CSTPP1: variants seen among roughly 807,000 people sequenced by gnomAD.
CSTPP1 encodes centriolar satellite-associated tubulin polyglutamylase complex regulator 1.
chr11:47,061,982 T>TCA, the CSTPP1 span, among the ~76,000 whole-genome samples: 1 of 152,154 alleles, frequency 6.6e-6, no homozygotes, highest in African/African-American at 2.4e-5. Flanking sequence ...AATGCTTTTG[T>TCA]CACTATCTTC....
chr11:47,080,110 CAAAA>C, the CSTPP1 span, among the ~76,000 whole-genome samples: 1 of 148,814 alleles, frequency 6.7e-6, no homozygotes. Flanking sequence ...AACAAACAAA[CAAAA>C]AAAAGGAAGA....
At chr11:47,038,522 G>A in the CSTPP1 span, among the ~76,000 whole-genome samples, 2 of 103,304 alleles carry the variant, frequency 1.9e-5, no homozygotes, top group Non-Finnish European at 4.8e-5. Context: ...CTTCCCAGTA[G>A]GGGCGGCCGG....
the CSTPP1 span, chr11:47,040,960 C>G: frequency 7.0e-6 from 1 of 143,024 alleles, no homozygotes; most frequent in Non-Finnish European, 1.6e-5. Context: ...AAACTCTGCC[C>G]TGGAGGGTGG....
chr11:47,067,818 A>G, the CSTPP1 span, among the ~76,000 whole-genome samples: 1 of 152,234 alleles, frequency 6.6e-6, no homozygotes, highest in African/African-American at 2.4e-5. Context: ...TTTAACTCAC[A>G]GTTTCAGCAC....
the CSTPP1 span, among the ~76,000 whole-genome samples, chr11:47,017,667 C>CT: frequency 3.1e-3 from 413 of 133,460 alleles, 1 homozygote; most frequent in African/African-American, 8.3e-3. Flanking sequence ...AATATATAAA[C>CT]TTTTTTTTTT....
At chr11:46,979,401 T>C in the CSTPP1 span, among the ~76,000 whole-genome samples, 11 of 152,240 alleles carry the variant, frequency 7.2e-5, no homozygotes, top group African/African-American at 2.7e-4. Context: ...AAAATAGTTA[T>C]GTGAATGTTT....
chr11:46,969,254 C>T, the CSTPP1 span, among the ~76,000 whole-genome samples: 1 of 152,188 alleles, frequency 6.6e-6, no homozygotes, highest in Non-Finnish European at 1.5e-5. Context: ...GCCCCCGCCC[C>T]TCCTGCATTT....
the CSTPP1 span, among the ~76,000 whole-genome samples, chr11:47,072,979 CTT>C: frequency 1.3e-5 from 2 of 152,104 alleles, no homozygotes; most frequent in Non-Finnish European, 2.9e-5. Context: ...ATCTTTATGT[CTT>C]TATATGTTTA....
the CSTPP1 span, among the ~76,000 whole-genome samples, chr11:47,152,198 C>T: frequency 5.3e-5 from 8 of 151,078 alleles, no homozygotes; most frequent in Non-Finnish European, 1.2e-4. Context: ...TGCAGTGAGC[C>T]GATCTGCACC....
chr11:47,002,837 A>T, the CSTPP1 span, among the ~76,000 whole-genome samples: 2 of 152,184 alleles, frequency 1.3e-5, no homozygotes, highest in Non-Finnish European at 2.9e-5. Flanking sequence ...TTAGATAAAT[A>T]ACTTGATTTA....
At chr11:47,051,527 C>G in the CSTPP1 span, among the ~76,000 whole-genome samples, 2 of 152,082 alleles carry the variant, frequency 1.3e-5, no homozygotes, top group African/African-American at 4.8e-5. Context: ...TGTTTGGACC[C>G]TTTATATCCT....
At chr11:47,131,974 TAA>T in the CSTPP1 span, among the ~76,000 whole-genome samples, 1 of 142,138 alleles carries the variant, frequency 7.0e-6, no homozygotes, top group Non-Finnish European at 1.5e-5. Flanking sequence ...GAGACTCTGT[TAA>T]AAAAAAAAAA....
chr11:46,937,919 G>A, the CSTPP1 span, among the ~76,000 whole-genome samples: 1 of 151,966 alleles, frequency 6.6e-6, no homozygotes, highest in Admixed American at 6.6e-5. Flanking sequence ...TTGAGACAGA[G>A]TTTCTCTCCT....
chr11:47,039,572 C>T, the CSTPP1 span, among the ~76,000 whole-genome samples: 4 of 127,658 alleles, frequency 3.1e-5, no homozygotes, highest in Admixed American at 2.5e-4. Flanking sequence ...GGCGCAGTGG[C>T]TCACGTCTGT....
At chr11:47,142,551 T>C in the CSTPP1 span, among the ~76,000 whole-genome samples, 2 of 152,184 alleles carry the variant, frequency 1.3e-5, no homozygotes, top group African/African-American at 2.4e-5. Context: ...GTACTGGTCA[T>C]TGGCTGCCAC....
chr11:47,032,938 C>T, the CSTPP1 span, among the ~76,000 whole-genome samples: 2 of 152,126 alleles, frequency 1.3e-5, no homozygotes, highest in Admixed American at 1.3e-4. Context: ...TTGATTAACA[C>T]ATACCTTGTA....
At chr11:46,962,847 A>G in the CSTPP1 span, among the ~76,000 whole-genome samples, 1 of 152,104 alleles carries the variant, frequency 6.6e-6, no homozygotes, top group East Asian at 1.9e-4. Flanking sequence ...CCAGCTATTC[A>G]GGAAGCTAAG....
chr11:47,142,657 G>C, the CSTPP1 span, among the ~76,000 whole-genome samples: 115,050 of 151,918 alleles, frequency 0.76, 44,219 homozygotes, highest in African/African-American at 0.83. Flanking sequence ...TGAGAGTGAG[G>C]CTTCAAAATG....
the CSTPP1 span, among the ~76,000 whole-genome samples, chr11:47,095,212 A>G: frequency 1.3e-5 from 2 of 152,236 alleles, no homozygotes; most frequent in Non-Finnish European, 2.9e-5. Context: ...AATGAAGGGG[A>G]AAAATGGGAC....
Sources: allele counts gnomAD v4.1 joint callset (sites outside exome capture counted in the v4.1 genomes callset), GRCh38; gene constraint gnomAD v4.1.1; transcripts MANE v1.5; gene names NCBI Gene and HGNC (gene_info 2026-07-23, HGNC 2026-07-21).